PLEKHH1: variants seen among roughly 807,000 people sequenced by gnomAD.
PLEKHH1 encodes the protein pleckstrin homology domain-containing family H member 1.
Under a neutral mutation model 160.0 loss-of-function variants are expected in PLEKHH1, and 104 were observed. That is an observed-to-expected ratio of 0.65 (90% CI 0.55 to 0.76). The LOEUF is 0.76. Among genes scored for constraint, PLEKHH1 ranks in the 30% least tolerant of loss-of-function variants. The pLI, the probability that PLEKHH1 is intolerant of heterozygous loss-of-function variation, is 0.00. For missense variants in PLEKHH1, 1,427 were observed against 1,724.1 expected (o/e 0.83, Z 3.05); for synonymous variants, 619 against 678.4 (o/e 0.91, Z 1.36).
intron 2 of PLEKHH1, among the ~76,000 whole-genome samples, chr14:67,554,250 C>T (rs1037284111): frequency 6.6e-6 from 1 of 152,170 alleles, no homozygotes; most frequent in African/African-American, 2.4e-5. Flanking sequence ...GCTCATCTAC[C>T]TTTTAATTAA....
In PLEKHH1 at chr14:67,574,817, T is replaced by C. The variant is rs2035549740; in HGVS notation, c.2088+414T>C. Among the ~76,000 whole-genome samples, 1 of 152,062 alleles carries C rather than the reference T, an allele frequency of 6.6e-6. No homozygotes were observed. The highest frequency in any genetic ancestry group is 2.4e-5 in the African/African-American group (1 of 41,402). ...GACATTTTTGTTAGGGCTCTTCTGG[T>C]TGAACAGAGCAGAGAAGCAGTTGTT... On this transcript the variant is annotated intron_variant, in intron 14 of 28. Coordinates refer to ENST00000329153, the MANE Select transcript of PLEKHH1 (RefSeq NM_020715.3). The surrounding 1 kb of genome is among the most constrained non-coding windows in gnomAD (Gnocchi z 4.2).
At chr14:67,561,408 G>A (rs61988250) in intron 5 of PLEKHH1, among the ~76,000 whole-genome samples, 20,123 of 152,048 alleles carry the variant, frequency 0.13, 1,605 homozygotes, top group East Asian at 0.27. Flanking sequence ...AAAATTAGCC[G>A]GGCATAGTGG....
intron 1 of PLEKHH1, among the ~76,000 whole-genome samples, chr14:67,538,498 T>G (rs1348381747): frequency 6.6e-6 from 1 of 152,216 alleles, no homozygotes; most frequent in Non-Finnish European, 1.5e-5. Context: ...TGCTCATCCT[T>G]GTGCATTTTT....
chr14:67,561,787 T>C (rs1282634000), intron 5 of PLEKHH1, among the ~76,000 whole-genome samples, 167 bp from the exon 6 acceptor site: 1 of 151,572 alleles, frequency 6.6e-6, no homozygotes, highest in African/African-American at 2.4e-5. Flanking sequence ...GGAGGATCAG[T>C]TGGGCCTGGG....
At position 67,541,891 on chromosome 14, in the gene PLEKHH1, GC is replaced by G. The variant is rs1566722467; in HGVS notation, c.26del (p.Pro9ArgfsTer4). The G allele has an allele frequency of 6.2e-7, 1 of 1,601,692 alleles. No homozygotes were observed. On this transcript the variant is annotated frameshift_variant, in exon 2 of 29. Transcript: ENST00000329153. LOFTEE classifies it high-confidence loss of function. ...TCATGGCAGAACTCAAGGTGGAGGC[GC>G]CGGCCAGCGTAGACTGGCAGAAACG... MAELKVEA[P>X]ASVDWQKRCL...
Position 67,553,016 on chromosome 14 carries a change from T to C in PLEKHH1, c.127-2809T>C, listed in dbSNP as rs1184829407. ...CGATTTCTGGTTCTGACCAATGTCA[T>C]TGACTTATCACTCTTGACCCAAATG... On this transcript the variant is annotated intron_variant, in intron 2 of 28. Transcript: ENST00000329153. Among the ~76,000 whole-genome samples, 3 of 152,344 alleles carry C rather than the reference T, an allele frequency of 2.0e-5. No individual in the cohort carries two copies. The East Asian group carries it at 5.8e-4, about 29-fold the overall frequency.
intron 1 of PLEKHH1, among the ~76,000 whole-genome samples, chr14:67,534,434 A>C (rs1325238457): frequency 6.6e-6 from 1 of 152,142 alleles, no homozygotes; most frequent in African/African-American, 2.4e-5. Context: ...AAAAATTTAA[A>C]AATTAGCTGG....
intron 11 of PLEKHH1, among the ~76,000 whole-genome samples, chr14:67,572,651 G>T (rs1355590102): frequency 6.6e-6 from 1 of 152,178 alleles, no homozygotes; most frequent in East Asian, 1.9e-4. Context: ...TCCAGGCATT[G>T]TCTCATTTGT....
chr14:67,584,142 G>T lies in PLEKHH1; in HGVS notation c.3699+18G>T, dbSNP rs1799213079. 1.9e-6 allele frequency: 3 copies of T among 1,610,804 alleles called. No homozygotes were observed. The highest frequency in any genetic ancestry group is 1.7e-6 in the Non-Finnish European group (2 of 1,179,544). On this transcript the variant is annotated intron_variant, in intron 26 of 28. Coordinates refer to ENST00000329153, the MANE Select transcript of PLEKHH1 (RefSeq NM_020715.3). ...CTGCTCAGGTAAGTGCCAGTGGAAG[G>T]AGCTGCCCACACCCTTAGGTGTGTC...
Position 67,576,037 on chromosome 14 carries a change from G to C in PLEKHH1, c.2352+32G>C. The C allele has an allele frequency of 6.6e-7, 1 of 1,521,284 alleles. No individual in the cohort carries two copies. The highest frequency in any genetic ancestry group is 1.9e-5 in the Admixed American group (1 of 51,946). 94.2% of individuals were successfully genotyped at this position (1,521,284 alleles called of 1,614,324 possible). A position where few individuals can be genotyped will look rare whatever the true frequency, so the allele number is the denominator to read the frequency against. On this transcript the variant is annotated intron_variant, in intron 16 of 28. Transcript: ENST00000329153. The surrounding 1 kb of genome is among the most constrained non-coding windows in gnomAD (Gnocchi z 4.0). ...AAGAGGGCTGGGCCTCCAGGGCCAA[G>C]CTTGGACCTGTGATTCTGATCTTCC...
rs1320340096 is a variant in PLEKHH1, at chr14:67,559,696, G to T, written c.423+5G>T. Reference sequence around the variant, plus strand: ...GTGACACTCAAGTTGGCAAAGGTGGGTTGGAAACTCATCTTGGAGGCCTGC... The same window carrying T: ...GTGACACTCAAGTTGGCAAAGGTGGTTTGGAAACTCATCTTGGAGGCCTGC... On this transcript the variant is annotated splice_donor_5th_base_variant and intron_variant, in intron 5 of 28. Coordinates refer to ENST00000329153, the MANE Select transcript of PLEKHH1 (RefSeq NM_020715.3). The T allele has an allele frequency of 6.3e-7, 1 of 1,593,220 alleles. No individual in the cohort carries two copies. Among genetic ancestry groups the T allele is most frequent in the South Asian group, 1.1e-5 (1 of 87,938 alleles).
chr14:67,533,605 C>G (rs2033560299), intron 1 of PLEKHH1: 1 of 152,084 alleles, frequency 6.6e-6, no homozygotes, highest in African/African-American at 2.4e-5. Context: ...ACTCGCGCCG[C>G]GAGGCCAGGA....
chr14:67,575,246 G>A (rs2140490409), intron 14 of PLEKHH1, 146 bp from the exon 15 acceptor site: 2 of 584,090 alleles, frequency 3.4e-6, no homozygotes, highest in South Asian at 4.3e-5. Context: ...CTGTGAAAGG[G>A]GTGGTTCCAT....
rs1318998858 is a variant in PLEKHH1 at position 67,578,545 on chromosome 14, C to A, written c.2763C>A (p.Leu921=). ...QKYSLMQCWQ[L]LALCAPLFLP... is the part of the protein sequence containing the mutation. ...TGTGTCCCTGGCAGTGCTGGCAGCT[C>A]CTCGCTCTGTGTGCTCCACTTTTCC... Residue 921 remains leucine (L), a synonymous_variant, in exon 20 of 29, where the codon CTC becomes CTA. Transcript: ENST00000329153. The surrounding 1 kb of genome is among the most constrained non-coding windows in gnomAD (Gnocchi z 5.0). 6.2e-7 allele frequency: 1 copy of A among 1,609,554 alleles called. No homozygotes were observed. Among genetic ancestry groups the A allele is most frequent in the East Asian group, 2.2e-5 (1 of 44,784 alleles).
In PLEKHH1 at chr14:67,562,809, G is replaced by A. The variant is rs1205158850; in HGVS notation, c.1178G>A (p.Ser393Asn). Residue 393 changes from serine (S) to asparagine (N), a missense_variant, in exon 7 of 29, where the codon AGC (serine) becomes AAC (asparagine). By Grantham distance (46) the Ser-to-Asn change is conservative. Coordinates refer to ENST00000329153, the MANE Select transcript of PLEKHH1 (RefSeq NM_020715.3). ...GCAGGGAAGAATGAGGAAAGAGAGA[G>A]CCCAAAGGCCCTTGGAGCTGAGCTG... ...PPAGKNEERESPKALGAELEE... is the reference protein window; with the variant it reads ...PPAGKNEERENPKALGAELEE... 1.9e-6 allele frequency: 3 copies of A among 1,613,838 alleles called. No homozygotes were observed. The highest frequency in any genetic ancestry group is 2.5e-6 in the Non-Finnish European group (3 of 1,179,830).
In PLEKHH1 at chr14:67,571,741, C is replaced by A; in HGVS notation, c.1435-11C>A. On this transcript the variant is annotated splice_polypyrimidine_tract_variant and intron_variant, in intron 9 of 28. Coordinates refer to ENST00000329153, the MANE Select transcript of PLEKHH1 (RefSeq NM_020715.3). ...GCCTGAGCTGCAGTGAGGGAGGGGC[C>A]TGTCTTGCAGAGAGCTACACAGATC... is the stretch of plus-strand genomic sequence containing the variant. The A allele has an allele frequency of 6.2e-7, 1 of 1,608,260 alleles. No homozygotes were observed. Among genetic ancestry groups the A allele is most frequent in the Non-Finnish European group, 8.5e-7 (1 of 1,175,244 alleles).
At chr14:67,560,499 T>C in intron 5 of PLEKHH1, among the ~76,000 whole-genome samples, 1 of 152,196 alleles carries the variant, frequency 6.6e-6, no homozygotes, top group South Asian at 2.1e-4. Flanking sequence ...AAACAGAAAC[T>C]CTGTACCTGC....
Position 67,573,334 on chromosome 14 carries a change from AGAGGCGCTGGTTTGTCCT to A in PLEKHH1, c.1791_1808del (p.Arg598_Arg603del), listed in dbSNP as rs1433954219. ...ATGGGGAGCCAGGTGAAGACGTGGA[AGAGGCGCTGGTTTGTCCT>A]GAGACAGGGACAGATTATGTACTAC... On this transcript the variant is annotated inframe_deletion, in exon 12 of 29. Coordinates refer to ENST00000329153, the MANE Select transcript of PLEKHH1 (RefSeq NM_020715.3). This position sits in a 1 kb window ranked among gnomAD's most constrained non-coding sequence, Gnocchi z 4.8. The A allele has an allele frequency of 6.2e-7, 1 of 1,613,846 alleles. No homozygotes were observed. The highest frequency in any genetic ancestry group is 2.2e-5 in the East Asian group (1 of 44,878).
At chr14:67,564,507 G>A (rs1267236199) in intron 7 of PLEKHH1, among the ~76,000 whole-genome samples, 1 of 151,998 alleles carries the variant, frequency 6.6e-6, no homozygotes. Flanking sequence ...GCCCAGGCTG[G>A]AGTGCAGTGG....
Sources: allele counts gnomAD v4.1 joint callset (sites outside exome capture counted in the v4.1 genomes callset), GRCh38; gene constraint gnomAD v4.1.1; non-coding constraint Gnocchi (gnomAD v3.1); transcripts MANE v1.5; gene names NCBI Gene and HGNC (gene_info 2026-07-23, HGNC 2026-07-21).